Variants in EPB41L3 observed in about 807,000 individuals in gnomAD.
The protein encoded by EPB41L3 is erythrocyte membrane protein band 4.1 like 3.
EPB41L3 carries 57 observed loss-of-function variants against 127.1 expected under a neutral mutation model. That is an observed-to-expected ratio of 0.45 (90% CI 0.36 to 0.56). EPB41L3 has a LOEUF of 0.56. Among genes scored for constraint, EPB41L3 ranks in the 20% least tolerant of loss-of-function variants. EPB41L3 has a pLI of 0.00. For missense variants in EPB41L3, 1,273 were observed against 1,372.2 expected (o/e 0.93, Z 1.14); for synonymous variants, 572 against 549.5 (o/e 1.04, Z -0.57).
At chr18:5,561,367 C>T (rs2094133920) in intron 3 of EPB41L3, among the ~76,000 whole-genome samples, 1 of 151,990 alleles carries the variant, frequency 6.6e-6, no homozygotes, top group African/African-American at 2.4e-5. Flanking sequence ...AAAAAGGGGA[C>T]AGGGGGATAT....
intron 1 of EPB41L3, among the ~76,000 whole-genome samples, chr18:5,498,067 T>C (rs2148456395): frequency 6.6e-6 from 1 of 152,336 alleles, no homozygotes; most frequent in East Asian, 1.9e-4. Context: ...TGCCTTGCCC[T>C]GGGTTGGACT....
At chr18:5,436,897 A>T (rs1185677504) in intron 6 of EPB41L3, among the ~76,000 whole-genome samples, 1 of 152,196 alleles carries the variant, frequency 6.6e-6, no homozygotes, top group African/African-American at 2.4e-5. Flanking sequence ...ATGTCTGGTG[A>T]AATTATTTTT....
intron 3 of EPB41L3, among the ~76,000 whole-genome samples, chr18:5,565,251 T>A (rs56281811): frequency 0.057 from 8,325 of 145,550 alleles, 316 homozygotes; most frequent in Middle Eastern, 0.11. Flanking sequence ...AAAAAAAAAA[T>A]ACATACAAAA....
intron 4 of EPB41L3, 91 bp downstream of exon 4, chr18:5,445,049 G>A (rs2081288000): frequency 1.7e-5 from 15 of 899,342 alleles, no homozygotes; most frequent in Non-Finnish European, 1.6e-5. Context: ...GGGAGGTGGA[G>A]AAAGTGATCC....
chr18:5,515,867 G>A (rs1278552997), intron 1 of EPB41L3, among the ~76,000 whole-genome samples: 1 of 152,182 alleles, frequency 6.6e-6, no homozygotes, highest in Non-Finnish European at 1.5e-5. Flanking sequence ...GGAAGCAAAT[G>A]CACAGAAATA....
chr18:5,448,329 C>A (rs1366229028), intron 3 of EPB41L3, among the ~76,000 whole-genome samples: 1 of 152,168 alleles, frequency 6.6e-6, no homozygotes. Flanking sequence ...TCCCTTCTCT[C>A]CCAACTCTAA....
chr18:5,506,635 A>C, intron 1 of EPB41L3, among the ~76,000 whole-genome samples: 1 of 152,104 alleles, frequency 6.6e-6, no homozygotes, highest in East Asian at 1.9e-4. Context: ...CAGAGGCTCT[A>C]AGCCCCAGGA....
At chr18:5,465,170 C>T (rs1249314190) in intron 3 of EPB41L3, among the ~76,000 whole-genome samples, 6 of 152,148 alleles carry the variant, frequency 3.9e-5, no homozygotes, top group East Asian at 3.8e-4. Context: ...CCACATTTTC[C>T]GGCTCACCTT....
intron 16 of EPB41L3, chr18:5,399,181 T>C (rs1021199428): frequency 5.8e-5 from 23 of 398,964 alleles, no homozygotes; most frequent in Middle Eastern, 6.2e-4. Flanking sequence ...GTGTATATTT[T>C]CTGTTTGCTG....
chr18:5,570,873 G>A (rs1024292045), intron 3 of EPB41L3: 3 of 152,210 alleles, frequency 2.0e-5, no homozygotes, highest in African/African-American at 7.2e-5. Flanking sequence ...AAGTCATTAT[G>A]GAAAGCAAGC....
At chr18:5,549,787 C>G (rs139648854) in intron 3 of EPB41L3, among the ~76,000 whole-genome samples, 193 of 152,162 alleles carry the variant, frequency 1.3e-3, no homozygotes, top group African/African-American at 4.5e-3. Context: ...CAGTCCATAC[C>G]AAAAATCCCA....
intron 16 of EPB41L3, among the ~76,000 whole-genome samples, chr18:5,406,447 T>G (rs1397066313): frequency 6.6e-6 from 1 of 152,142 alleles, no homozygotes; most frequent in African/African-American, 2.4e-5. Flanking sequence ...AGAAAGCATA[T>G]GCGGAAAAAG....
At chr18:5,556,393 C>T (rs1487609791) in intron 3 of EPB41L3, among the ~76,000 whole-genome samples, 1 of 152,228 alleles carries the variant, frequency 6.6e-6, no homozygotes, top group Non-Finnish European at 1.5e-5. Context: ...GCCAGAGCTG[C>T]TGACGACACT....
chr18:5,577,329 C>A, intron 3 of EPB41L3: 1 of 451,944 alleles, frequency 2.2e-6, no homozygotes, highest in South Asian at 1.6e-5. Context: ...GAAAATTTTA[C>A]CTCCAAATCC....
At chr18:5,591,360 C>G (rs1399616623) in intron 3 of EPB41L3, among the ~76,000 whole-genome samples, 5 of 152,078 alleles carry the variant, frequency 3.3e-5, no homozygotes, top group African/African-American at 1.2e-4. Context: ...GATTTGGTGT[C>G]TGGTGAGGGC....
chr18:5,573,294 T>C (rs1168951548), intron 3 of EPB41L3, among the ~76,000 whole-genome samples: 1 of 152,208 alleles, frequency 6.6e-6, no homozygotes, highest in Non-Finnish European at 1.5e-5. Context: ...CCTGTTACTA[T>C]ATTTTCTACC....
rs2076830059 is a variant in EPB41L3, at chr18:5,416,388, A to G, written c.1507-10T>C. ...TGCCAAGCCCAGGTGACTGATGTGA[A>G]AGAGACAGAAAGAGACAGAAAGCAG... On this transcript the variant is annotated splice_polypyrimidine_tract_variant and intron_variant, in intron 12 of 22. Coordinates refer to ENST00000341928, the MANE Select transcript of EPB41L3 (RefSeq NM_012307.5). 6.3e-7 allele frequency: 1 copy of G among 1,586,770 alleles called. No individual in the cohort carries two copies. The highest frequency in any genetic ancestry group is 1.1e-5 in the South Asian group (1 of 87,890).
intron 1 of EPB41L3, among the ~76,000 whole-genome samples, chr18:5,619,206 G>A (rs1278191637): frequency 6.6e-6 from 1 of 152,132 alleles, no homozygotes; most frequent in Non-Finnish European, 1.5e-5. Context: ...TTCAGAAGCA[G>A]TAGGCAGAAA....
At chr18:5,482,043 C>T (rs559857645) in intron 2 of EPB41L3, among the ~76,000 whole-genome samples, 1 of 152,226 alleles carries the variant, frequency 6.6e-6, no homozygotes, top group African/African-American at 2.4e-5. Flanking sequence ...GAAAATCCAA[C>T]CCTACAAGAT....
Sources: gnomAD v4.1 joint callset for allele counts (sites outside exome capture counted in the v4.1 genomes callset) on GRCh38, gnomAD v4.1.1 for gene constraint, MANE v1.5 for transcripts, NCBI Gene and HGNC (gene_info 2026-07-23, HGNC 2026-07-21) for gene names.